APBA2: variants seen among roughly 807,000 people sequenced by gnomAD.
The protein encoded by APBA2 is amyloid beta precursor protein binding family A member 2.
A neutral mutation model predicts 75.0 loss-of-function variants in APBA2; 30 were observed. The ratio of observed to expected loss-of-function variants is 0.40; its 90% CI spans 0.30 to 0.54. The LOEUF is 0.54. Ranked by LOEUF, APBA2 falls within the 20% of genes least tolerant of loss-of-function variation. The probability of loss-of-function intolerance (pLI) is 0.49; values close to 1 mark genes in which losing one functional copy is unlikely to be tolerated. For synonymous variants in APBA2, 444 were observed against 409.6 expected (o/e 1.08, Z -1.01); for missense variants, 801 against 1,016.1 (o/e 0.79, Z 2.88).
chr15:29,033,149 A>G (rs764545730), intron 3 of APBA2, among the ~76,000 whole-genome samples: 1 of 152,212 alleles, frequency 6.6e-6, no homozygotes, highest in Non-Finnish European at 1.5e-5. Flanking sequence ...TGATCTGTGC[A>G]TGTGCTGCAG....
rs146573608 is a variant in APBA2 at position 29,024,213 on chromosome 15, GAA to G, written c.-41+28408_-41+28409del. Among the ~76,000 whole-genome samples, 895 of 152,184 alleles carry G rather than the reference GAA, an allele frequency of 5.9e-3. 6 individuals carry two copies. Among genetic ancestry groups the G allele is most frequent in the African/African-American group, 0.02 (851 of 41,544 alleles). ...GCCACTGTGCCCGGCCTTTTTTGCT[GAA>G]GTTTTAAAAGTTGTAGCCATCATTA... On this transcript the variant is annotated intron_variant, in intron 3 of 14. Coordinates refer to ENST00000683413, the MANE Select transcript of APBA2 (RefSeq NM_001353788.2).
intron 1 of APBA2, among the ~76,000 whole-genome samples, chr15:28,889,557 T>A (rs2031991577): frequency 6.6e-6 from 1 of 152,178 alleles, no homozygotes; most frequent in Non-Finnish European, 1.5e-5. Flanking sequence ...CTGCCCTGGC[T>A]CCAGGCAGAC....
At chr15:28,909,185 T>A (rs2033299649) in intron 1 of APBA2, among the ~76,000 whole-genome samples, 1 of 151,490 alleles carries the variant, frequency 6.6e-6, no homozygotes, top group Admixed American at 6.6e-5. Flanking sequence ...AGAGATGGGG[T>A]TTCACCGTGT....
chr15:29,019,587 A>G (rs1440672267), intron 3 of APBA2, among the ~76,000 whole-genome samples: 2 of 152,330 alleles, frequency 1.3e-5, no homozygotes, highest in Admixed American at 1.3e-4. Context: ...CATAGAAGGT[A>G]TCTGTGCATT....
chr15:29,112,918 TA>T (rs2152982265), intron 13 of APBA2, among the ~76,000 whole-genome samples: 1 of 152,250 alleles, frequency 6.6e-6, no homozygotes, highest in Non-Finnish European at 1.5e-5. Context: ...TGATTCTGAC[TA>T]CCCCAGGTAC....
intron 4 of APBA2, among the ~76,000 whole-genome samples, chr15:29,065,546 G>T (rs2042343671): frequency 6.6e-6 from 1 of 152,184 alleles, no homozygotes. Context: ...GGCAGCTCAA[G>T]AAAACTACGC....
At chr15:28,975,857 T>C (rs1479929283) in intron 2 of APBA2, among the ~76,000 whole-genome samples, 1 of 152,232 alleles carries the variant, frequency 6.6e-6, no homozygotes, top group Non-Finnish European at 1.5e-5. Context: ...ACAAGTTTGA[T>C]GGCGCCCTCT....
intron 2 of APBA2, among the ~76,000 whole-genome samples, chr15:28,984,490 C>A (rs958191685): frequency 6.6e-6 from 1 of 152,038 alleles, no homozygotes; most frequent in Non-Finnish European, 1.5e-5. Flanking sequence ...GCTTCCAGCC[C>A]CCTGACTCAG....
Position 28,941,309 on chromosome 15 carries a change from C to T in APBA2, c.-95+19560C>T, listed in dbSNP as rs753369764. The stretch of plus-strand genomic sequence containing the variant: ...TGACATCTCAGGAAGGGAGGAAGAG[C>T]CACACTGCCCGGGAGCTGGTCTGCC... On this transcript the variant is annotated intron_variant, in intron 2 of 14. Coordinates refer to ENST00000683413, the MANE Select transcript of APBA2 (RefSeq NM_001353788.2). Among the ~76,000 whole-genome samples the T allele has an allele frequency of 1.2e-3, 178 of 152,026 alleles. 1 individual carries two copies. Among genetic ancestry groups the T allele is most frequent in the Non-Finnish European group, 4.0e-4 (27 of 67,998 alleles).
intron 2 of APBA2, among the ~76,000 whole-genome samples, chr15:28,945,300 C>T (rs567407422): frequency 4.6e-4 from 70 of 152,246 alleles, no homozygotes; most frequent in African/African-American, 1.7e-3. Flanking sequence ...TGACCTTGGC[C>T]ACTCACAGTT....
rs374434839 is a variant in APBA2, at chr15:29,027,500, TTTTC to T, written c.-40-26337_-40-26334del. Reference sequence around the variant, plus strand: ...GGGCTTTTCAGTTCTAATGTTTGTGTTTTCTTTCTTTTTCTTGATTTGTCTTATG... The same window carrying T: ...GGGCTTTTCAGTTCTAATGTTTGTGTTTTCTTTTTCTTGATTTGTCTTATG... On this transcript the variant is annotated intron_variant, in intron 3 of 14. Coordinates refer to ENST00000683413, the MANE Select transcript of APBA2 (RefSeq NM_001353788.2). 1.9e-3 allele frequency among the ~76,000 whole-genome samples: 293 copies of T among 152,236 alleles called. 1 individual carries two copies. The highest frequency in any genetic ancestry group is 3.5e-3 in the African/African-American group (144 of 41,558).
At chr15:29,001,292 C>T (rs1326191732) in intron 3 of APBA2, among the ~76,000 whole-genome samples, 1 of 152,180 alleles carries the variant, frequency 6.6e-6, no homozygotes, top group East Asian at 1.9e-4. Context: ...TAACTCACTG[C>T]AGCCTTGAAC....
chr15:28,957,940 A>G (rs1308948455), intron 2 of APBA2, among the ~76,000 whole-genome samples: 2 of 152,278 alleles, frequency 1.3e-5, no homozygotes, highest in Non-Finnish European at 2.9e-5. Flanking sequence ...CATTTGGCCT[A>G]TGACTGTGTC....
chr15:28,947,953 A>G (rs552897066), intron 2 of APBA2, among the ~76,000 whole-genome samples: 4 of 152,334 alleles, frequency 2.6e-5, no homozygotes, highest in African/African-American at 9.6e-5. Flanking sequence ...CTAACAAACA[A>G]TCCCTCGTGT....
At chr15:28,944,364 C>G (rs2035419345) in intron 2 of APBA2, among the ~76,000 whole-genome samples, 1 of 152,190 alleles carries the variant, frequency 6.6e-6, no homozygotes, top group South Asian at 2.1e-4. Flanking sequence ...CTTGGATTTA[C>G]CTCCGTGTCA....
intron 14 of APBA2, among the ~76,000 whole-genome samples, chr15:29,114,651 G>C (rs1249152317): frequency 6.6e-6 from 1 of 151,648 alleles, no homozygotes; most frequent in Non-Finnish European, 1.5e-5. Flanking sequence ...GTGTGTGTGG[G>C]ATGTGATGTA....
intron 4 of APBA2, among the ~76,000 whole-genome samples, chr15:29,074,349 C>T (rs1050945872): frequency 3.3e-5 from 5 of 152,154 alleles, no homozygotes; most frequent in East Asian, 3.8e-4. Context: ...TCAATGTGGA[C>T]GACCCTTCAG....
In APBA2 at chr15:28,957,784, G is replaced by A. The variant is rs138810796; in HGVS notation, c.-95+36035G>A. Among the ~76,000 whole-genome samples, 321 of 152,270 alleles carry A rather than the reference G, an allele frequency of 2.1e-3. 2 individuals carry two copies. Among genetic ancestry groups the A allele is most frequent in the African/African-American group, 7.3e-3 (305 of 41,564 alleles). On this transcript the variant is annotated intron_variant, in intron 2 of 14. Coordinates refer to ENST00000683413, the MANE Select transcript of APBA2 (RefSeq NM_001353788.2). ...GCATCAGGTTCGGGGTGATGGGAACGCTGTCTCTTGCACCTGCACATCAGG... is the reference window on the plus strand; with the variant it reads ...GCATCAGGTTCGGGGTGATGGGAACACTGTCTCTTGCACCTGCACATCAGG...
At chr15:28,923,421 A>G (rs1269677218) in intron 2 of APBA2, among the ~76,000 whole-genome samples, 2 of 152,066 alleles carry the variant, frequency 1.3e-5, no homozygotes, top group Non-Finnish European at 2.9e-5. Context: ...ACTCTGATAT[A>G]TAGAGTTATG....
Sources: allele counts gnomAD v4.1 joint callset (sites outside exome capture counted in the v4.1 genomes callset), GRCh38; gene constraint gnomAD v4.1.1; transcripts MANE v1.5; gene names NCBI Gene and HGNC (gene_info 2026-07-23, HGNC 2026-07-21).